NNT: variants seen among roughly 807,000 people sequenced by gnomAD.
The protein encoded by NNT is nicotinamide nucleotide transhydrogenase.
A neutral mutation model predicts 104.8 loss-of-function variants in NNT; 50 were observed. The observed-to-expected ratio is 0.48, with a 90% CI of 0.38 to 0.60. NNT has a LOEUF of 0.60. Ranked by LOEUF, NNT falls within the 20% of genes least tolerant of loss-of-function variation. The probability of loss-of-function intolerance (pLI) is 0.00; values close to 1 mark genes in which losing one functional copy is unlikely to be tolerated. For synonymous variants in NNT, 461 were observed against 490.4 expected (o/e 0.94, Z 0.79); for missense variants, 1,131 against 1,330.7 (o/e 0.85, Z 2.33).
At chr5:43,665,562 G>A (rs568847406) in intron 17 of NNT, among the ~76,000 whole-genome samples, 2 of 152,310 alleles carry the variant, frequency 1.3e-5, no homozygotes, top group African/African-American at 4.8e-5. Flanking sequence ...CAAGGTCATA[G>A]ATTTACAGCA....
Position 43,650,539 on chromosome 5 carries a change from C to G in NNT, c.1669C>G (p.Gln557Glu), listed in dbSNP as rs758372976. The G allele has an allele frequency of 6.2e-7, 1 of 1,614,182 alleles. No individual in the cohort carries two copies. Among genetic ancestry groups the G allele is most frequent in the Admixed American group, 1.7e-5 (1 of 60,026 alleles). Residue 557 changes from glutamine (Q) to glutamate (E), a missense_variant, in exon 12 of 22, where the codon CAG becomes GAG. Transcript: ENST00000344920. ...ACATTTGTATCCTTCCACAACTTCT[C>G]AGGGCCTTGCTGCTCTTGCTGCATT... ...GGHLYPSTTS[Q>E]GLAALAAFIS...
chr5:43,694,185 A>G lies in NNT; in HGVS notation c.2877-5934A>G, dbSNP rs920440492. 2.4e-4 allele frequency among the ~76,000 whole-genome samples: 36 copies of G among 152,224 alleles called. 1 individual carries two copies. Among genetic ancestry groups the G allele is most frequent in the Admixed American group, 2.4e-3 (36 of 15,284 alleles). ...CAGCTGAAGGAGCTTTGGGGCCAAG[A>G]CTGTGGGGTTTGCTAGATATAAAAT... On this transcript the variant is annotated intron_variant, in intron 19 of 21. Coordinates refer to ENST00000344920, the MANE Select transcript of NNT (RefSeq NM_182977.3).
intron 17 of NNT, among the ~76,000 whole-genome samples, chr5:43,667,443 G>A (rs1028913739): frequency 3.9e-5 from 6 of 152,058 alleles, no homozygotes; most frequent in African/African-American, 1.2e-4. Flanking sequence ...ACAGGCCCTG[G>A]TGTGTGATGT....
At chr5:43,619,146 A>T in intron 5 of NNT, 27 bp downstream of exon 5, 1 of 1,333,672 alleles carries the variant, frequency 7.5e-7, no homozygotes, top group Non-Finnish European at 1.0e-6. Context: ...ATGTTTCTTT[A>T]TAATATGCAT....
chr5:43,618,660 A>C (rs1337927712), intron 4 of NNT, among the ~76,000 whole-genome samples: 3 of 152,180 alleles, frequency 2.0e-5, no homozygotes, highest in African/African-American at 7.2e-5. Context: ...ATTATGTTCT[A>C]CAGTACTTGT....
At chr5:43,661,389 TTTTA>T (rs372098953) in intron 17 of NNT, among the ~76,000 whole-genome samples, 6,880 of 151,156 alleles carry the variant, frequency 0.046, 336 homozygotes, top group African/African-American at 0.13. Flanking sequence ...AGAAAGTGGC[TTTTA>T]TTTATTTATT....
Position 43,677,746 on chromosome 5 carries a change from A to C in NNT, c.2816A>C (p.Lys939Thr), listed in dbSNP as rs750764839. Residue 939 changes from lysine to threonine, a missense_variant, in exon 19 of 22, where the codon AAA becomes ACA. Physicochemically the swap from Lys to Thr is moderately conservative, Grantham distance 78. Transcript: ENST00000344920. The part of the protein sequence containing the change: ...ITPGYGLCAA[K>T]AQYPIADLVK... ...GCAGGCTATGGTCTCTGTGCAGCCA[A>C]AGCTCAATACCCCATTGCTGATTTG... 1 of 1,613,634 alleles carries C rather than the reference A, an allele frequency of 6.2e-7. No homozygotes were observed. The highest frequency in any genetic ancestry group is 8.5e-7 in the Non-Finnish European group (1 of 1,179,698).
Position 43,653,177 on chromosome 5 carries a change from C to A in NNT, c.2023C>A (p.Gln675Lys), listed in dbSNP as rs1225971542. 1 of 1,613,990 alleles carries A rather than the reference C, an allele frequency of 6.2e-7. No homozygotes were observed. Among genetic ancestry groups the A allele is most frequent in the Non-Finnish European group, 8.5e-7 (1 of 1,180,016 alleles). ...VLKPGPELLA[Q>K]MSGAMALGGT... ...AAAACCGGGCCCAGAATTACTAGCT[C>A]AGATGTCTGGAGCGATGGCTTTGGG... Residue 675 changes from glutamine (Q) to lysine (K), a missense_variant, in exon 14 of 22, where the codon CAG becomes AAG. Transcript: ENST00000344920.
intron 4 of NNT, among the ~76,000 whole-genome samples, 158 bp from the exon 5 acceptor site, chr5:43,618,874 A>G (rs146910635): frequency 1.3e-5 from 2 of 152,362 alleles, no homozygotes; most frequent in African/African-American, 2.4e-5. Context: ...GCAAGTGTAT[A>G]TACAACACTT....
intron 17 of NNT, among the ~76,000 whole-genome samples, chr5:43,666,119 G>C (rs569980194): frequency 6.6e-6 from 1 of 151,850 alleles, no homozygotes; most frequent in Admixed American, 6.6e-5. Flanking sequence ...CTGGGCGGCC[G>C]GGCAGAGGGG....
chr5:43,685,935 T>C lies in NNT; in HGVS notation c.2876+8129T>C, dbSNP rs138357755. On this transcript the variant is annotated intron_variant, in intron 19 of 21. Transcript: ENST00000344920. ...ATGAGGTTCATGTCACCATATATTATAAAAGAGGCTTTTAAAAAATAGTAC... is the reference window on the plus strand; with the variant it reads ...ATGAGGTTCATGTCACCATATATTACAAAAGAGGCTTTTAAAAAATAGTAC... Among the ~76,000 whole-genome samples the C allele has an allele frequency of 1.8e-3, 280 of 152,302 alleles. 2 individuals are homozygous for C. The highest frequency in any genetic ancestry group is 8.5e-3 in the South Asian group (41 of 4,830).
At chr5:43,624,291 T>G (rs1018690027) in intron 6 of NNT, among the ~76,000 whole-genome samples, 171 bp downstream of exon 6, 1 of 152,232 alleles carries the variant, frequency 6.6e-6, no homozygotes, top group Non-Finnish European at 1.5e-5. Flanking sequence ...TGAAAATGTA[T>G]TACTTAAACT....
At chr5:43,670,022 G>A (rs1296806002) in intron 17 of NNT, among the ~76,000 whole-genome samples, 1 of 152,100 alleles carries the variant, frequency 6.6e-6, no homozygotes, top group South Asian at 2.1e-4. Context: ...GGGTGTATGT[G>A]TCCAGGAATT....
At chr5:43,643,904 A>G (rs1199058391) in intron 7 of NNT, among the ~76,000 whole-genome samples, 1 of 152,192 alleles carries the variant, frequency 6.6e-6, no homozygotes, top group African/African-American at 2.4e-5. Flanking sequence ...GCTGTGGTGT[A>G]TAAACCGGGT....
chr5:43,673,313 C>T (rs1272408896), intron 17 of NNT, among the ~76,000 whole-genome samples: 1 of 152,096 alleles, frequency 6.6e-6, no homozygotes, highest in African/African-American at 2.4e-5. Flanking sequence ...TCCGACAAGC[C>T]CCAGCGTGAT....
intron 17 of NNT, among the ~76,000 whole-genome samples, chr5:43,669,959 G>T (rs1463738785): frequency 2.6e-5 from 4 of 151,922 alleles, no homozygotes; most frequent in East Asian, 1.9e-4. Context: ...CAATTTCAGA[G>T]CCTGTTATTG....
intron 7 of NNT, among the ~76,000 whole-genome samples, chr5:43,638,858 C>CTTAA (rs903904613): frequency 6.6e-6 from 1 of 151,548 alleles, no homozygotes; most frequent in Non-Finnish European, 1.5e-5. Context: ...GTGGTTTCTT[C>CTTAA]TTAATTAATT....
intron 9 of NNT, 34 bp downstream of exon 9, chr5:43,644,836 T>C: frequency 6.7e-7 from 1 of 1,498,916 alleles, no homozygotes; most frequent in African/African-American, 1.4e-5. Flanking sequence ...CCTTTGCTTT[T>C]AATGTAAATT....
At chr5:43,635,219 A>G (rs1750871761) in intron 7 of NNT, among the ~76,000 whole-genome samples, 1 of 152,230 alleles carries the variant, frequency 6.6e-6, no homozygotes, top group Non-Finnish European at 1.5e-5. Context: ...ACAGAAATTA[A>G]CATCTTGCTT....
Sources: gnomAD v4.1 joint callset for allele counts (sites outside exome capture counted in the v4.1 genomes callset) on GRCh38, gnomAD v4.1.1 for gene constraint, MANE v1.5 for transcripts, NCBI Gene and HGNC (gene_info 2026-07-23, HGNC 2026-07-21) for gene names.